Variants in DGCR8 observed in about 807,000 individuals in gnomAD.
DGCR8 encodes microprocessor complex subunit DGCR8.
A neutral mutation model predicts 78.5 loss-of-function variants in DGCR8; 14 were observed. That is an observed-to-expected ratio of 0.18 (90% CI 0.12 to 0.28). DGCR8 has a LOEUF of 0.28. Ranked by LOEUF, DGCR8 falls within the 10% of genes least tolerant of loss-of-function variation. The pLI is 1.00. For synonymous variants in DGCR8, 399 were observed against 402.4 expected (o/e 0.99, Z 0.10); for missense variants, 702 against 1,022.5 (o/e 0.69, Z 4.28).
Position 20,110,233 on chromosome 22 carries a change from G to A in DGCR8, c.*125G>A. ...GCTCCTTCCCTGTGGCCAACCTGTG[G>A]GCCCGGCCTTAGGGTGGAGGCTTTA... On this transcript the variant is annotated 3_prime_UTR_variant, in exon 14 of 14. Transcript: ENST00000351989. The A allele has an allele frequency of 1.0e-6, 1 of 965,454 alleles. No homozygotes were observed. The highest frequency in any genetic ancestry group is 2.6e-5 in the East Asian group (1 of 38,534). 59.8% of individuals were successfully genotyped at this position (965,454 alleles called of 1,614,324 possible).
At chr22:20,098,282 C>T (rs74858445) in intron 9 of DGCR8, among the ~76,000 whole-genome samples, 5,500 of 152,168 alleles carry the variant, frequency 0.036, 132 homozygotes, top group Non-Finnish European at 0.05. Flanking sequence ...TGCCACTGTG[C>T]TGGCATTATA....
chr22:20,088,624 G>A (rs1448719822), intron 3 of DGCR8, among the ~76,000 whole-genome samples: 6 of 152,140 alleles, frequency 3.9e-5, no homozygotes, highest in Non-Finnish European at 5.9e-5. Flanking sequence ...GAGAGCCCAC[G>A]CAGTGTGCAT....
chr22:20,089,988 C>T lies in DGCR8; in HGVS notation c.1036C>T (p.Pro346Ser). 1 of 1,611,640 alleles carries T rather than the reference C, an allele frequency of 6.2e-7. No individual in the cohort carries two copies. Among genetic ancestry groups the T allele is most frequent in the Non-Finnish European group, 8.5e-7 (1 of 1,178,550 alleles). ...GTGSIRKHDP[P>S]LSSIPCLHYK... ...TCACTATCCACAGAAACACGACCCT[C>T]CTCTGAGTAGCATCCCTTGTCTGCA... The change falls in exon 5 of 14, where the codon CCT (proline) becomes TCT (serine). Residue 346 changes from proline (P) to serine (S), a missense_variant. Pro to Ser is a moderately conservative substitution (Grantham distance 74). Around this residue, in one of 4 missense-constraint regions of DGCR8, gnomAD observed 119 missense variants for 126.1 expected, o/e 0.94. Coordinates refer to ENST00000351989, the MANE Select transcript of DGCR8 (RefSeq NM_022720.7). This position sits in a 1 kb window ranked among gnomAD's most constrained non-coding sequence, Gnocchi z 4.9.
At chr22:20,098,195 T>G (rs1391811054) in intron 9 of DGCR8, among the ~76,000 whole-genome samples, 3 of 151,880 alleles carry the variant, frequency 2.0e-5, no homozygotes, top group African/African-American at 7.3e-5. Context: ...TTCACCATAT[T>G]GCTCAGGCTG....
chr22:20,099,763 G>T (rs1202377532), intron 9 of DGCR8, among the ~76,000 whole-genome samples: 3 of 152,194 alleles, frequency 2.0e-5, no homozygotes. Context: ...TTTAGGATGG[G>T]TTTTGTAAAG....
At chr22:20,106,537 G>T (rs1734903281) in intron 10 of DGCR8, 55 bp from the exon 11 acceptor site, 1 of 1,343,418 alleles carries the variant, frequency 7.4e-7, no homozygotes. Flanking sequence ...CCTCCTCAGA[G>T]GCAGCTGGCT....
Position 20,108,886 on chromosome 22 carries a change from C to G in DGCR8, c.2125-4C>G. The G allele has an allele frequency of 1.3e-6, 2 of 1,524,242 alleles. No individual in the cohort carries two copies. Among genetic ancestry groups the G allele is most frequent in the Non-Finnish European group, 1.8e-6 (2 of 1,099,982 alleles). The allele number at this position is 1,524,242 out of a possible 1,614,324, so 94.4% of individuals were successfully genotyped here. On this transcript the variant is annotated splice_region_variant and splice_polypyrimidine_tract_variant and intron_variant, in intron 12 of 13. Coordinates refer to ENST00000351989, the MANE Select transcript of DGCR8 (RefSeq NM_022720.7). ...TCCTGAGCGTGAGGTGCTATACTTCCCAGGAGACATCGGACAAGAGTGTGA... is the reference window on the plus strand; with the variant it reads ...TCCTGAGCGTGAGGTGCTATACTTCGCAGGAGACATCGGACAAGAGTGTGA...
chr22:20,083,157 G>C (rs1254534943), intron 1 of DGCR8, among the ~76,000 whole-genome samples: 1 of 152,174 alleles, frequency 6.6e-6, no homozygotes, highest in Non-Finnish European at 1.5e-5. Flanking sequence ...CCTTCACGTG[G>C]ATGCAGGCCA....
chr22:20,098,735 T>C (rs1293625605), intron 9 of DGCR8, among the ~76,000 whole-genome samples: 1 of 152,172 alleles, frequency 6.6e-6, no homozygotes. Flanking sequence ...GATAGCGATC[T>C]CCATGTCCAT....
chr22:20,082,694 G>C (rs1252393398), intron 1 of DGCR8, among the ~76,000 whole-genome samples: 3 of 152,180 alleles, frequency 2.0e-5, no homozygotes, highest in African/African-American at 7.2e-5. Flanking sequence ...ACCATAAGAT[G>C]GTATAAAACA....
In DGCR8 at chr22:20,089,070, C is replaced by T. The variant is rs150775502; in HGVS notation, c.881-599C>T. On this transcript the variant is annotated intron_variant, in intron 3 of 13. Coordinates refer to ENST00000351989, the MANE Select transcript of DGCR8 (RefSeq NM_022720.7). The surrounding 1 kb of genome is among the most constrained non-coding windows in gnomAD (Gnocchi z 4.9). ...AAGTTTTAGTTACATCTTTGCCTTACGCTCTTCCCAGCAGTCAGGCCTGGT... is the reference window on the plus strand; with the variant it reads ...AAGTTTTAGTTACATCTTTGCCTTATGCTCTTCCCAGCAGTCAGGCCTGGT... Among the ~76,000 whole-genome samples the T allele has an allele frequency of 3.2e-4, 48 of 152,360 alleles. No homozygotes were observed. The highest frequency in any genetic ancestry group is 8.7e-4 in the African/African-American group (36 of 41,578).
chr22:20,106,081 AG>A (rs528798013), intron 9 of DGCR8, 95 bp from the exon 10 acceptor site: 32 of 926,382 alleles, frequency 3.5e-5, no homozygotes, highest in Non-Finnish European at 5.4e-5. Flanking sequence ...TCACAAGAAC[AG>A]ACATTAAGCA....
At position 20,106,642 on chromosome 22, in the gene DGCR8, A is replaced by G; in HGVS notation, c.1940A>G (p.Lys647Arg). 6.2e-7 allele frequency: 1 copy of G among 1,614,074 alleles called. No homozygotes were observed. Among genetic ancestry groups the G allele is most frequent in the Non-Finnish European group, 8.5e-7 (1 of 1,179,904 alleles). The part of the protein sequence containing the change: ...TSIKFEVVPG[K>R]NQKSEYVMAC... ...ATCAAGTTTGAAGTGGTTCCTGGGA[A>G]AAACCAGAAGAGTGAATACGTCATG... is the stretch of plus-strand genomic sequence containing the variant. Residue 647 changes from lysine to arginine, a missense_variant, in exon 11 of 14, where the codon AAA (lysine) becomes AGA (arginine). Physicochemically the swap from Lys to Arg is conservative, Grantham distance 26 (BLOSUM62 2). Coordinates refer to ENST00000351989, the MANE Select transcript of DGCR8 (RefSeq NM_022720.7).
At chr22:20,100,710 G>A in intron 9 of DGCR8, 2 of 985,418 alleles carry the variant, frequency 2.0e-6, no homozygotes, top group South Asian at 4.7e-5. Context: ...AGTAGTCTGA[G>A]AAAGAAGAGG....
At chr22:20,082,512 C>T (rs528652551) in intron 1 of DGCR8, among the ~76,000 whole-genome samples, 4 of 152,146 alleles carry the variant, frequency 2.6e-5, no homozygotes, top group South Asian at 2.1e-4. Context: ...GGACTATAGG[C>T]GCCCACCACC....
chr22:20,094,456 C>T (rs2049603495), intron 8 of DGCR8, among the ~76,000 whole-genome samples: 1 of 152,236 alleles, frequency 6.6e-6, no homozygotes, highest in South Asian at 2.1e-4. Context: ...CGAGCTCCTC[C>T]CTGCCTGCTC....
chr22:20,106,387 C>G lies in DGCR8; in HGVS notation c.1889+110C>G, dbSNP rs918206173. The G allele has an allele frequency of 2.0e-5, 20 of 1,009,630 alleles. No individual in the cohort carries two copies. In the East Asian group the frequency reaches 2.5e-4, roughly 13 times the overall value. The allele number at this position is 1,009,630 out of a possible 1,614,324, so 62.5% of individuals were successfully genotyped here. A position where few individuals can be genotyped will look rare whatever the true frequency, so the allele number is the denominator to read the frequency against. On this transcript the variant is annotated intron_variant, in intron 10 of 13. Coordinates refer to ENST00000351989, the MANE Select transcript of DGCR8 (RefSeq NM_022720.7). ...AAGGCAGAGGCATGGCCAGGTTTCC[C>G]TGGGTACACAGCAGCCCCTTGGCCC...
At position 20,086,015 on chromosome 22, in the gene DGCR8, G is replaced by T; in HGVS notation, c.52G>T (p.Ala18Ser). The T allele has an allele frequency of 6.2e-7, 1 of 1,612,426 alleles. No individual in the cohort carries two copies. Among genetic ancestry groups the T allele is most frequent in the Non-Finnish European group, 8.5e-7 (1 of 1,179,174 alleles). ...GCTCCCGTGTGGGCCCGCAGGAGAA[G>T]CGGTGATGGAGAGCCGAGCTCGCCC... ...SPLPCGPAGE[A>S]VMESRARPFQ... The change falls in exon 2 of 14, where the codon GCG becomes TCG. Residue 18 changes from alanine (A) to serine (S), a missense_variant. Ala to Ser is a moderately conservative substitution (Grantham distance 99, BLOSUM62 1). Transcript: ENST00000351989. The surrounding 1 kb of genome is among the most constrained non-coding windows in gnomAD (Gnocchi z 6.4).
At position 20,111,276 on chromosome 22, in the gene DGCR8, G is replaced by A. The variant is rs998718783; in HGVS notation, c.*1168G>A. On this transcript the variant is annotated 3_prime_UTR_variant, in exon 14 of 14. Transcript: ENST00000351989. ...GACTGGCACCTGTGCAGAGTGCCGT[G>A]TGCTTGTGGTGCGCCATCTGAAGCA... 1 of 398,724 alleles carries A rather than the reference G, an allele frequency of 2.5e-6. No individual in the cohort carries two copies. Among genetic ancestry groups the A allele is most frequent in the African/African-American group, 2.1e-5 (1 of 48,616 alleles). 24.7% of individuals were successfully genotyped at this position (398,724 alleles called of 1,614,324 possible). A position where few individuals can be genotyped will look rare whatever the true frequency, so the allele number is the denominator to read the frequency against.
Sources: allele counts gnomAD v4.1 joint callset (sites outside exome capture counted in the v4.1 genomes callset), GRCh38; gene constraint gnomAD v4.1.1; regional missense constraint gnomAD v4.1.1; non-coding constraint Gnocchi (gnomAD v3.1); transcripts MANE v1.5; gene names NCBI Gene and HGNC (gene_info 2026-07-23, HGNC 2026-07-21).